The following DLG2 variants were observed in gnomAD, a reference collection of about 807,000 sequenced individuals.
DLG2 encodes the protein discs large MAGUK scaffold protein 2.
A neutral mutation model predicts 132.5 loss-of-function variants in DLG2; 45 were observed. The observed-to-expected ratio is 0.34, with a 90% CI of 0.27 to 0.44. The LOEUF is 0.44. DLG2 is among the 20% of genes least tolerant of loss of function. DLG2 has a pLI of 1.00. For synonymous variants in DLG2, 424 were observed against 419.6 expected, an observed-to-expected ratio of 1.01 and a Z score of -0.13; for missense variants, 1,045 against 1,196.9, an observed-to-expected ratio of 0.87 and a Z score of 1.87.
intron 6 of DLG2, among the ~76,000 whole-genome samples, chr11:84,942,973 A>G (rs1330101944): frequency 6.6e-6 from 1 of 152,110 alleles, no homozygotes; most frequent in Non-Finnish European, 1.5e-5. Context: ...TTATATAATG[A>G]CGTTCTTTGT....
chr11:85,237,093 G>A (rs953138363), intron 4 of DLG2, among the ~76,000 whole-genome samples: 1 of 152,030 alleles, frequency 6.6e-6, no homozygotes, highest in Non-Finnish European at 1.5e-5. Context: ...ACACTGCCCA[G>A]CCAGCACCTG....
intron 16 of DLG2, among the ~76,000 whole-genome samples, chr11:83,863,606 G>C (rs1377990294): frequency 6.6e-6 from 1 of 152,016 alleles, no homozygotes; most frequent in Non-Finnish European, 1.5e-5. Context: ...ATCCCTACTT[G>C]TATCTACTGT....
intron 3 of DLG2, among the ~76,000 whole-genome samples, chr11:85,402,772 C>G (rs1375647584): frequency 6.6e-6 from 1 of 152,112 alleles, no homozygotes; most frequent in East Asian, 1.9e-4. Context: ...TAGAGAAATG[C>G]AAATCAAAAT....
At chr11:85,502,198 C>A (rs983214103) in intron 3 of DLG2, among the ~76,000 whole-genome samples, 2 of 151,658 alleles carry the variant, frequency 1.3e-5, no homozygotes, top group African/African-American at 4.9e-5. Context: ...TGTTTTCATT[C>A]ATAAGTGGGA....
intron 6 of DLG2, among the ~76,000 whole-genome samples, chr11:84,835,201 G>C (rs1484002342): frequency 1.3e-5 from 2 of 151,668 alleles, no homozygotes; most frequent in African/African-American, 4.8e-5. Flanking sequence ...TCAAATCCAA[G>C]AGGGCAGGGA....
chr11:83,946,114 G>A (rs116163535), intron 14 of DLG2, among the ~76,000 whole-genome samples: 5,799 of 151,036 alleles, frequency 0.038, 158 homozygotes, highest in East Asian at 0.15. Flanking sequence ...CTCAGCCGCC[G>A]GAGTGGCTGG....
At chr11:85,529,995 T>TTTG (rs1233274506) in intron 3 of DLG2, among the ~76,000 whole-genome samples, 1 of 150,186 alleles carries the variant, frequency 6.7e-6, no homozygotes, top group Non-Finnish European at 1.5e-5. Context: ...TTGTTTTTTT[T>TTTG]TTTTTTTTTT....
At chr11:85,373,148 G>A (rs1235712071) in intron 3 of DLG2, among the ~76,000 whole-genome samples, 1 of 152,112 alleles carries the variant, frequency 6.6e-6, no homozygotes, top group Non-Finnish European at 1.5e-5. Context: ...AGTCCAACAT[G>A]CTGGCCAAAG....
At chr11:85,125,999 G>C (rs2075064824) in intron 5 of DLG2, among the ~76,000 whole-genome samples, 1 of 152,104 alleles carries the variant, frequency 6.6e-6, no homozygotes, top group Non-Finnish European at 1.5e-5. Context: ...AAAATTTTAG[G>C]AAAGGTAGTG....
intron 3 of DLG2, among the ~76,000 whole-genome samples, chr11:85,584,372 G>A (rs1412840763): frequency 7.1e-6 from 1 of 140,156 alleles, no homozygotes; most frequent in Non-Finnish European, 1.6e-5. Context: ...GTGTGTGTGT[G>A]TGTGTGTGTA....
chr11:84,256,000 C>T (rs1422707850), intron 7 of DLG2, among the ~76,000 whole-genome samples: 5 of 151,972 alleles, frequency 3.3e-5, no homozygotes, highest in Admixed American at 3.3e-4. Context: ...AGAAGGAATA[C>T]TGATATAATT....
At chr11:83,527,657 T>A (rs111851842) in intron 21 of DLG2, among the ~76,000 whole-genome samples, 1 of 152,140 alleles carries the variant, frequency 6.6e-6, no homozygotes, top group Non-Finnish European at 1.5e-5. Context: ...AGCCCAAGGA[T>A]AAATAGGATG....
chr11:83,645,124 T>C (rs1032833616), intron 18 of DLG2, among the ~76,000 whole-genome samples: 1 of 152,116 alleles, frequency 6.6e-6, no homozygotes, highest in African/African-American at 2.4e-5. Context: ...TAAGAGTCTT[T>C]GCTGATTAAT....
At chr11:83,767,749 T>C (rs1299218258) in intron 18 of DLG2, among the ~76,000 whole-genome samples, 2 of 146,230 alleles carry the variant, frequency 1.4e-5, no homozygotes, top group East Asian at 2.0e-4. Context: ...CTTTGCAAGA[T>C]TAACTTTTTT....
intron 6 of DLG2, among the ~76,000 whole-genome samples, chr11:84,560,129 C>T (rs760395641): frequency 3.7e-4 from 57 of 152,196 alleles, no homozygotes; most frequent in African/African-American, 1.3e-3. Flanking sequence ...AGCTACAGGA[C>T]TGTATATAGT....
At chr11:83,638,165 T>C (rs1192991770) in intron 18 of DLG2, among the ~76,000 whole-genome samples, 1 of 152,130 alleles carries the variant, frequency 6.6e-6, no homozygotes, top group African/African-American at 2.4e-5. Flanking sequence ...TCCACCTCTA[T>C]ATATGATAAC....
At chr11:84,277,010 C>G (rs898735298) in intron 7 of DLG2, among the ~76,000 whole-genome samples, 2 of 152,130 alleles carry the variant, frequency 1.3e-5, no homozygotes, top group Non-Finnish European at 1.5e-5. Context: ...CCTTTAACTT[C>G]CAGGCCATAT....
intron 6 of DLG2, among the ~76,000 whole-genome samples, chr11:85,108,899 G>A (rs565918623): frequency 1.5e-4 from 23 of 152,204 alleles, no homozygotes; most frequent in Non-Finnish European, 3.1e-4. Context: ...CTCCAAGAGA[G>A]TTTTGAGTAC....
At chr11:84,871,002 A>T (rs1389429873) in intron 6 of DLG2, among the ~76,000 whole-genome samples, 3 of 152,216 alleles carry the variant, frequency 2.0e-5, no homozygotes, top group Non-Finnish European at 2.9e-5. Flanking sequence ...ATGCACTGGC[A>T]TTGTATGTAT....
Sources: allele counts gnomAD v4.1 joint callset (sites outside exome capture counted in the v4.1 genomes callset), GRCh38; gene constraint gnomAD v4.1.1; transcripts MANE v1.5; gene names NCBI Gene and HGNC (gene_info 2026-07-23, HGNC 2026-07-21).